Variants in YJU2 observed in about 807,000 individuals in gnomAD.
YJU2 encodes the protein YJU2 splicing factor homolog.
Under a neutral mutation model 39.6 loss-of-function variants are expected in YJU2, and 28 were observed. The observed-to-expected ratio is 0.71, with a 90% CI of 0.52 to 0.97. The LOEUF (loss-of-function observed/expected upper bound fraction) is 0.97, where lower values mean the gene tolerates loss of function less well. Among genes scored for constraint, YJU2 ranks in the 50% least tolerant of loss-of-function variants. The pLI is 0.00. For synonymous variants in YJU2, 184 were observed against 182.4 expected (o/e 1.01, Z -0.07); for missense variants, 328 against 430.4 (o/e 0.76, Z 2.11).
At chr19:4,251,791 A>T (rs1001187159) in intron 3 of YJU2, among the ~76,000 whole-genome samples, 1 of 151,864 alleles carries the variant, frequency 6.6e-6, no homozygotes, top group African/African-American at 2.4e-5. Context: ...GTTTGAGACC[A>T]GCCTGGCCAA....
rs1970937688 is a variant in YJU2 at position 4,247,627 on chromosome 19, GTGTGTGTGTGTGTGT to G, written c.24+458_24+472del. Among the ~76,000 whole-genome samples the G allele has an allele frequency of 2.0e-4, 10 of 49,052 alleles. 1 individual carries two copies. Among genetic ancestry groups the G allele is most frequent in the African/African-American group, 1.0e-3 (9 of 8,630 alleles). The allele number at this position is 49,052 out of a possible 152,430, so 32.2% of individuals were successfully genotyped here. ...TGTGTGTGTGTGTGTGTGTGTGTGT[GTGTGTGTGTGTGTGT>G]GTGTGTGTGTGTGTGTGTGTGTGTG... On this transcript the variant is annotated intron_variant, in intron 1 of 7. Transcript: ENST00000262962.
At chr19:4,247,576 GTGGCGC>G (rs1462972823) in intron 1 of YJU2, among the ~76,000 whole-genome samples, 8 of 79,098 alleles carry the variant, frequency 1.0e-4, no homozygotes, top group Middle Eastern at 5.7e-3. Context: ...GTGGGGTGGG[GTGGCGC>G]GTGTGTGTGT....
rs751421074 is a variant in YJU2 at position 4,258,429 on chromosome 19, T to G, written c.587+6T>G. 1.9e-6 allele frequency: 3 copies of G among 1,575,896 alleles called. No homozygotes were observed. In the South Asian group the frequency reaches 3.5e-5, roughly 18 times the overall value. On this transcript the variant is annotated splice_donor_region_variant and intron_variant, in intron 5 of 7. Transcript: ENST00000262962. ...GAGGACGAGCAGGAGACCGCGTGAG[T>G]CAGGGCCGGCCCAACCCAGCCCCAC...
chr19:4,254,499 G>C lies in YJU2; in HGVS notation c.405+10G>C. The stretch of plus-strand genomic sequence containing the variant: ...GAACAACCCCATGAAGGTGAGTCGG[G>C]GGCCATGTAGGTGTTCATGGGCGCT... On this transcript the variant is annotated intron_variant, in intron 4 of 7. Coordinates refer to ENST00000262962, the MANE Select transcript of YJU2 (RefSeq NM_018074.6). 1 of 1,573,378 alleles carries C rather than the reference G, an allele frequency of 6.4e-7. No homozygotes were observed. Among genetic ancestry groups the C allele is most frequent in the Non-Finnish European group, 8.6e-7 (1 of 1,157,930 alleles).
intron 6 of YJU2, among the ~76,000 whole-genome samples, chr19:4,262,548 C>T (rs1003064581): frequency 1.3e-5 from 2 of 152,140 alleles, no homozygotes; most frequent in Non-Finnish European, 2.9e-5. Flanking sequence ...CTCCTCCACC[C>T]TGTGGCTGTA....
chr19:4,249,094 T>G (rs1970954393), intron 1 of YJU2, 134 bp from the exon 2 acceptor site: 1 of 616,486 alleles, frequency 1.6e-6, no homozygotes, highest in Admixed American at 2.8e-5. Flanking sequence ...GTCCTGCGAG[T>G]CCTCCCTGCC....
At chr19:4,262,857 G>A (rs1333193171) in intron 6 of YJU2, among the ~76,000 whole-genome samples, 2 of 152,134 alleles carry the variant, frequency 1.3e-5, no homozygotes, top group East Asian at 3.9e-4. Flanking sequence ...GCAGTGAGCT[G>A]CATCAGTATG....
At chr19:4,256,227 TA>T (rs1208346516) in intron 4 of YJU2, among the ~76,000 whole-genome samples, 4 of 149,712 alleles carry the variant, frequency 2.7e-5, no homozygotes, top group African/African-American at 9.8e-5. Context: ...CATATACATA[TA>T]TATACATACA....
Position 4,262,088 on chromosome 19 carries a change from C to T in YJU2, c.682C>T (p.Pro228Ser). The change falls in exon 6 of 8, where the codon CCC becomes TCC. Residue 228 changes from proline (P) to serine (S), a missense_variant. Around this residue, in one of 2 missense-constraint regions of YJU2, gnomAD observed 244 missense variants for 264.6 expected, o/e 0.92. Coordinates refer to ENST00000262962, the MANE Select transcript of YJU2 (RefSeq NM_018074.6). ...CTCGCCCCTGCAGCCAGCCCTTCGG[C>T]CCAACCCCACCGCCATCCTGGATGA... ...APSPLQPALR[P>S]NPTAILDEAP... 1.9e-6 allele frequency: 3 copies of T among 1,611,130 alleles called. No individual in the cohort carries two copies. Among genetic ancestry groups the T allele is most frequent in the Non-Finnish European group, 2.5e-6 (3 of 1,179,860 alleles).
intron 2 of YJU2, 101 bp from the exon 3 acceptor site, chr19:4,250,926 G>A: frequency 7.3e-7 from 1 of 1,361,586 alleles, no homozygotes; most frequent in Non-Finnish European, 1.0e-6. Context: ...CCCCGTTGCT[G>A]GAGGCAAGCA....
At chr19:4,257,727 G>A (rs756985357) in intron 4 of YJU2, among the ~76,000 whole-genome samples, 13 of 152,118 alleles carry the variant, frequency 8.5e-5, no homozygotes, top group Non-Finnish European at 1.3e-4. Flanking sequence ...GTCTGCCTCG[G>A]CCTCCCAAAG....
In YJU2 at chr19:4,267,721, C is replaced by T. The variant is rs757257232; in HGVS notation, c.806C>T (p.Ala269Val). The T allele has an allele frequency of 1.9e-6, 3 of 1,613,172 alleles. No homozygotes were observed. The highest frequency in any genetic ancestry group is 2.5e-6 in the Non-Finnish European group (3 of 1,179,888). ...PLSRLVVVKKAKADPDCSNGQ... is the reference protein window; with the variant it reads ...PLSRLVVVKKVKADPDCSNGQ... The stretch of plus-strand genomic sequence containing the variant: ...TCGAGGCTGGTCGTGGTGAAGAAGG[C>T]AAAGGCCGACCCGGACTGCAGCAAC... The change falls in exon 7 of 8, where the codon GCA becomes GTA. Residue 269 changes from alanine (A) to valine (V), a missense_variant. Physicochemically the swap from Ala to Val is moderately conservative, Grantham distance 64. Around this residue, in one of 2 missense-constraint regions of YJU2, gnomAD observed 244 missense variants for 264.6 expected, o/e 0.92. Transcript: ENST00000262962.
chr19:4,268,222 G>A (rs1667354672), intron 7 of YJU2, among the ~76,000 whole-genome samples: 1 of 152,302 alleles, frequency 6.6e-6, no homozygotes. Context: ...TGGGATTACA[G>A]GCATGAGCCA....
In YJU2 at chr19:4,251,159, G is replaced by A. The variant is rs755219866; in HGVS notation, c.258G>A (p.Glu86=). ...FYIKCTRCLA[E]ITFKTDPENT... is the part of the protein sequence containing the mutation. ...TCAAGTGCACGCGCTGCCTGGCAGAGATCACCTTCAAGGTAGGTGAGACGG... is the reference window on the plus strand; with the variant it reads ...TCAAGTGCACGCGCTGCCTGGCAGAAATCACCTTCAAGGTAGGTGAGACGG... The change falls in exon 3 of 8, where the codon GAG becomes GAA. Residue 86 remains glutamate, a synonymous_variant. Transcript: ENST00000262962. 7 of 1,613,850 alleles carry A rather than the reference G, an allele frequency of 4.3e-6. No homozygotes were observed. The highest frequency in any genetic ancestry group is 3.3e-4 in the Middle Eastern group (2 of 6,028).
intron 4 of YJU2, among the ~76,000 whole-genome samples, chr19:4,255,455 C>T (rs935097216): frequency 4.0e-5 from 6 of 151,730 alleles, no homozygotes; most frequent in East Asian, 1.9e-4. Flanking sequence ...GCTTGCCAGG[C>T]GTGGTGGCTC....
At chr19:4,266,245 C>T (rs190789164) in intron 6 of YJU2, among the ~76,000 whole-genome samples, 18 of 152,242 alleles carry the variant, frequency 1.2e-4, no homozygotes, top group Non-Finnish European at 2.4e-4. Context: ...CCACTGCGCC[C>T]GGCCCAGAGC....
rs544081680 is a variant in YJU2, at chr19:4,261,928, G to A, written c.588-66G>A. The A allele has an allele frequency of 1.2e-5, 19 of 1,559,902 alleles. No homozygotes were observed. The Admixed American group carries it at 1.6e-4, about 13-fold the overall frequency. On this transcript the variant is annotated intron_variant, in intron 5 of 7. Coordinates refer to ENST00000262962, the MANE Select transcript of YJU2 (RefSeq NM_018074.6). ...GGCACCCAGGCCCCTCGCCACCCCA[G>A]CAGGTACATCCCAGGCACTGTTCCC...
In YJU2 at chr19:4,262,131, A is replaced by G; in HGVS notation, c.708+17A>G. 2 of 1,589,798 alleles carry G rather than the reference A, an allele frequency of 1.3e-6. No individual in the cohort carries two copies. The highest frequency in any genetic ancestry group is 1.7e-6 in the Non-Finnish European group (2 of 1,168,940). On this transcript the variant is annotated intron_variant, in intron 6 of 7. Coordinates refer to ENST00000262962, the MANE Select transcript of YJU2 (RefSeq NM_018074.6). The stretch of plus-strand genomic sequence containing the variant: ...CTGGATGAGGTAAGTGGGGTGCCTG[A>G]GTCCTGGGGGCTCCCAGGTGAACTA...
intron 3 of YJU2, 62 bp downstream of exon 3, chr19:4,251,233 C>T (rs1170546509): frequency 5.9e-6 from 9 of 1,525,808 alleles, no homozygotes; most frequent in Non-Finnish European, 8.1e-6. Flanking sequence ...TCAGGGCGGG[C>T]CCTGGGGTTC....
Sources: gnomAD v4.1 joint callset for allele counts (sites outside exome capture counted in the v4.1 genomes callset) on GRCh38, gnomAD v4.1.1 for gene constraint, gnomAD v4.1.1 regional missense constraint, MANE v1.5 for transcripts, NCBI Gene and HGNC (gene_info 2026-07-23, HGNC 2026-07-21) for gene names.